The following FHIT variants were observed in gnomAD, a reference collection of about 807,000 sequenced individuals.
The protein encoded by FHIT is bis(5'-adenosyl)-triphosphatase.
In FHIT, 19 loss-of-function variants were observed where a neutral mutation model predicts 17.9. The observed-to-expected ratio is 1.06, with a 90% CI of 0.74 to 1.56. The LOEUF is 1.56. FHIT is among the 40% of genes most tolerant of loss of function. The pLI is 0.00. For missense variants in FHIT, 248 were observed against 189.2 expected (o/e 1.31, Z -1.82); for synonymous variants, 81 against 69.7 (o/e 1.16, Z -0.81).
At chr3:60,446,173 A>G (rs2031319147) in intron 5 of FHIT, among the ~76,000 whole-genome samples, 4 of 152,108 alleles carry the variant, frequency 2.6e-5, no homozygotes, top group Non-Finnish European at 5.9e-5. Flanking sequence ...AATTAGCTTC[A>G]GAAAAAAATC....
At chr3:60,795,514 T>TG (rs1391060417) in intron 4 of FHIT, among the ~76,000 whole-genome samples, 23 of 151,740 alleles carry the variant, frequency 1.5e-4, no homozygotes, top group African/African-American at 4.8e-4. Flanking sequence ...TTTTGTTTTT[T>TG]TTTTTTTAAG....
At chr3:60,053,814 A>G (rs1701978883) in intron 5 of FHIT, among the ~76,000 whole-genome samples, 1 of 152,178 alleles carries the variant, frequency 6.6e-6, no homozygotes, top group Non-Finnish European at 1.5e-5. Flanking sequence ...CTTTCCTCAT[A>G]TAACCTCACA....
intron 5 of FHIT, among the ~76,000 whole-genome samples, chr3:60,364,096 TA>T (rs1190479272): frequency 2.0e-5 from 3 of 152,328 alleles, no homozygotes; most frequent in African/African-American, 7.2e-5. Context: ...CCATTGTAAA[TA>T]TACTCTTTAA....
chr3:60,089,046 G>A (rs545386337), intron 5 of FHIT, among the ~76,000 whole-genome samples: 23 of 152,292 alleles, frequency 1.5e-4, no homozygotes, highest in African/African-American at 4.6e-4. Context: ...GGACCCCAAC[G>A]CTAATGGCAA....
chr3:60,421,905 G>T (rs945354076), intron 5 of FHIT, among the ~76,000 whole-genome samples: 2 of 152,024 alleles, frequency 1.3e-5, no homozygotes, highest in African/African-American at 2.4e-5. Flanking sequence ...CTTGTTCAGG[G>T]GCCATTGCAA....
rs866293076 is a variant in FHIT at position 60,371,128 on chromosome 3, G to A, written c.103+165732C>T. Among the ~76,000 whole-genome samples the A allele has an allele frequency of 1.1e-4, 16 of 152,232 alleles. No individual in the cohort carries two copies. In the Middle Eastern group the frequency reaches 0.01, roughly 97 times the overall value. On this transcript the variant is annotated intron_variant, in intron 5 of 9. Coordinates refer to ENST00000492590, the MANE Select transcript of FHIT (RefSeq NM_002012.4). ...CTCTGGTTTTTCTGACCGCTGTGTT[G>A]TTCCAATCTGTTTATTTTACTGGAC... is the stretch of plus-strand genomic sequence containing the variant.
At chr3:59,928,838 T>C (rs1226141837) in intron 7 of FHIT, among the ~76,000 whole-genome samples, 1 of 151,412 alleles carries the variant, frequency 6.6e-6, no homozygotes, top group Non-Finnish European at 1.5e-5. Flanking sequence ...CTACTAAAAA[T>C]ACAAAAATTA....
chr3:60,549,131 T>C (rs1218398596), intron 4 of FHIT, among the ~76,000 whole-genome samples: 5 of 152,220 alleles, frequency 3.3e-5, no homozygotes, highest in East Asian at 1.9e-4. Flanking sequence ...CAATTGTTAA[T>C]TGTCAACTCA....
intron 1 of FHIT, among the ~76,000 whole-genome samples, chr3:61,241,226 C>T (rs1360769951): frequency 6.6e-6 from 1 of 152,138 alleles, no homozygotes; most frequent in Non-Finnish European, 1.5e-5. Flanking sequence ...AGAGATTGAA[C>T]TGGAATCGCT....
chr3:60,132,831 T>C (rs1275118683), intron 5 of FHIT, among the ~76,000 whole-genome samples: 1 of 152,198 alleles, frequency 6.6e-6, no homozygotes, highest in Non-Finnish European at 1.5e-5. Context: ...TAGAAAACTT[T>C]TTTAAAATCA....
chr3:59,830,374 A>G (rs1163009802), intron 8 of FHIT, among the ~76,000 whole-genome samples: 1 of 152,210 alleles, frequency 6.6e-6, no homozygotes, highest in African/African-American at 2.4e-5. Context: ...GAATAAATAT[A>G]TGACTTTCAT....
At position 61,160,261 on chromosome 3, in the gene FHIT, A is replaced by G. The variant is rs115574212; in HGVS notation, c.-164+40356T>C. On this transcript the variant is annotated intron_variant, in intron 2 of 9. Transcript: ENST00000492590. ...TATCTGCACTTTTTACAAGTGCCTCATGTGATTCTGAGGCAATGGTGAGAG... is the reference window on the plus strand; with the variant it reads ...TATCTGCACTTTTTACAAGTGCCTCGTGTGATTCTGAGGCAATGGTGAGAG... Among the ~76,000 whole-genome samples the G allele has an allele frequency of 9.6e-3, 1,423 of 148,378 alleles. 28 individuals are homozygous for G. Among genetic ancestry groups the G allele is most frequent in the African/African-American group, 0.032 (1,263 of 40,044 alleles).
intron 5 of FHIT, among the ~76,000 whole-genome samples, chr3:60,031,787 A>T (rs375856799): frequency 6.6e-6 from 1 of 152,176 alleles, no homozygotes; most frequent in Non-Finnish European, 1.5e-5. Flanking sequence ...CAGAGGGTGC[A>T]TGGATAAAAG....
chr3:60,842,624 TGA>T (rs1274979733), intron 3 of FHIT, among the ~76,000 whole-genome samples: 2 of 98,684 alleles, frequency 2.0e-5, no homozygotes, highest in Non-Finnish European at 3.9e-5. Flanking sequence ...CATATATATA[TGA>T]GTGTATATAT....
Position 60,386,377 on chromosome 3 carries a change from A to G in FHIT, c.103+150483T>C, listed in dbSNP as rs1484706809. ...GATTCAAGGACTTAGAACAACATGA[A>G]ACAATTCAACAATAATGACAAGGCA... On this transcript the variant is annotated intron_variant, in intron 5 of 9. Coordinates refer to ENST00000492590, the MANE Select transcript of FHIT (RefSeq NM_002012.4). Among the ~76,000 whole-genome samples, 5 of 152,192 alleles carry G rather than the reference A, an allele frequency of 3.3e-5. 1 individual carries two copies. Among genetic ancestry groups the G allele is most frequent in the African/African-American group, 1.2e-4 (5 of 41,434 alleles).
intron 4 of FHIT, among the ~76,000 whole-genome samples, chr3:60,616,413 A>G (rs549566806): frequency 1.3e-5 from 2 of 152,010 alleles, no homozygotes; most frequent in Non-Finnish European, 2.9e-5. Context: ...TCTCCTCCAT[A>G]CTCTTTGATT....
chr3:61,208,488 C>T (rs1426424810), intron 1 of FHIT, among the ~76,000 whole-genome samples: 4 of 152,086 alleles, frequency 2.6e-5, no homozygotes, highest in Non-Finnish European at 5.9e-5. Context: ...CTTTATGAAT[C>T]TGGGTGCTCC....
chr3:60,377,897 A>G (rs1231023470), intron 5 of FHIT, among the ~76,000 whole-genome samples: 1 of 152,206 alleles, frequency 6.6e-6, no homozygotes, highest in African/African-American at 2.4e-5. Context: ...TGAACAGTAC[A>G]TATGTGTTGC....
At chr3:60,050,555 A>G (rs1164956613) in intron 5 of FHIT, among the ~76,000 whole-genome samples, 3 of 152,048 alleles carry the variant, frequency 2.0e-5, no homozygotes, top group South Asian at 2.1e-4. Context: ...TACTATATAT[A>G]TAATTTCAGG....
Sources: allele counts gnomAD v4.1 joint callset (sites outside exome capture counted in the v4.1 genomes callset), GRCh38; gene constraint gnomAD v4.1.1; transcripts MANE v1.5; gene names NCBI Gene and HGNC (gene_info 2026-07-23, HGNC 2026-07-21).